Variants in OTUD7A observed in about 807,000 individuals in gnomAD.
The protein encoded by OTUD7A is OTU domain-containing protein 7A.
A neutral mutation model predicts 65.7 loss-of-function variants in OTUD7A; 12 were observed. The ratio of observed to expected loss-of-function variants is 0.18; its 90% confidence interval spans 0.12 to 0.30. The LOEUF (loss-of-function observed/expected upper bound fraction) is 0.30, where lower values mean the gene tolerates loss of function less well. OTUD7A is among the 10% of genes least tolerant of loss of function. The pLI is 1.00. For missense variants in OTUD7A, 1,148 were observed against 1,304.8 expected (o/e 0.88, Z 1.85); for synonymous variants, 641 against 586.3 (o/e 1.09, Z -1.35).
chr15:31,514,787 T>G (rs2041817524), intron 8 of OTUD7A, among the ~76,000 whole-genome samples: 1 of 152,236 alleles, frequency 6.6e-6, no homozygotes, highest in East Asian at 1.9e-4. Flanking sequence ...CCTAATGGCT[T>G]TAGAACTTAC....
chr15:31,728,526 A>G (rs1893956065), intron 1 of OTUD7A, among the ~76,000 whole-genome samples: 1 of 152,068 alleles, frequency 6.6e-6, no homozygotes, highest in African/African-American at 2.4e-5. Context: ...CCCCTGCCTA[A>G]CTCTCCACCT....
intron 5 of OTUD7A, among the ~76,000 whole-genome samples, chr15:31,541,811 T>C (rs1174208636): frequency 6.6e-6 from 1 of 152,144 alleles, no homozygotes; most frequent in Admixed American, 6.5e-5. Context: ...TTTCCTTCCA[T>C]ATAGAGTTAG....
intron 1 of OTUD7A, among the ~76,000 whole-genome samples, chr15:31,752,893 G>C (rs1226313444): frequency 6.6e-6 from 1 of 152,034 alleles, no homozygotes; most frequent in Non-Finnish European, 1.5e-5. Context: ...TGGAAAAGGG[G>C]GCCAGTTCAG....
At chr15:31,687,535 T>C (rs1239978627) in intron 1 of OTUD7A, among the ~76,000 whole-genome samples, 1 of 152,210 alleles carries the variant, frequency 6.6e-6, no homozygotes. Context: ...CCTGCGATGG[T>C]CACTCCCAGT....
intron 1 of OTUD7A, among the ~76,000 whole-genome samples, chr15:31,658,132 G>A (rs151215999): frequency 6.6e-6 from 1 of 152,230 alleles, no homozygotes; most frequent in African/African-American, 2.4e-5. Flanking sequence ...GCCTCTCTGT[G>A]CCTCAGTTTC....
rs189639386 is a variant in OTUD7A at position 31,610,837 on chromosome 15, G to C, written c.152-40640C>G. 3.0e-3 allele frequency among the ~76,000 whole-genome samples: 448 copies of C among 150,944 alleles called. 3 individuals are homozygous for C. The highest frequency in any genetic ancestry group is 0.011 in the African/African-American group (434 of 41,128). ...GTAGAGGCGGGGTTTCACCGTGTTA[G>C]CCAGGATGGTCTCGATCTCCTGACC... On this transcript the variant is annotated intron_variant, in intron 3 of 12. Coordinates refer to ENST00000307050, the MANE Select transcript of OTUD7A (RefSeq NM_001382637.1).
At chr15:31,554,461 C>A (rs1888426749) in intron 5 of OTUD7A, among the ~76,000 whole-genome samples, 1 of 152,216 alleles carries the variant, frequency 6.6e-6, no homozygotes, top group African/African-American at 2.4e-5. Flanking sequence ...GCTCCCCCTG[C>A]CAATCCGGGC....
intron 1 of OTUD7A, among the ~76,000 whole-genome samples, chr15:31,772,777 C>T (rs189857270): frequency 6.6e-6 from 1 of 152,264 alleles, no homozygotes; most frequent in Non-Finnish European, 1.5e-5. Flanking sequence ...GTTCAAATAG[C>T]ACCTACAATA....
chr15:31,486,940 A>G (rs992071778), intron 12 of OTUD7A, among the ~76,000 whole-genome samples: 2 of 152,160 alleles, frequency 1.3e-5, no homozygotes, highest in African/African-American at 4.8e-5. Flanking sequence ...ACATGCCTAC[A>G]TGTGTGTACA....
At chr15:31,740,962 A>T (rs1171898727) in intron 1 of OTUD7A, among the ~76,000 whole-genome samples, 4 of 152,252 alleles carry the variant, frequency 2.6e-5, no homozygotes, top group Admixed American at 2.6e-4. Flanking sequence ...CTTCAGAATG[A>T]CAAAAGTAGG....
At chr15:31,722,332 T>C (rs941774733) in intron 1 of OTUD7A, among the ~76,000 whole-genome samples, 5 of 152,222 alleles carry the variant, frequency 3.3e-5, no homozygotes, top group African/African-American at 1.2e-4. Flanking sequence ...TGTCCAGGTC[T>C]ACACAGGTAT....
intron 1 of OTUD7A, among the ~76,000 whole-genome samples, chr15:31,851,136 G>A (rs1897414370): frequency 6.6e-6 from 1 of 152,218 alleles, no homozygotes; most frequent in African/African-American, 2.4e-5. Context: ...GAGAATGTGT[G>A]TAAATGAGTA....
At chr15:31,672,845 T>C (rs912862166) in intron 1 of OTUD7A, among the ~76,000 whole-genome samples, 3 of 152,198 alleles carry the variant, frequency 2.0e-5, no homozygotes, top group Non-Finnish European at 1.5e-5. Context: ...AAAAGTCTCT[T>C]TTAAAATTTA....
intron 1 of OTUD7A, among the ~76,000 whole-genome samples, chr15:31,699,547 AG>A (rs1355054864): frequency 6.6e-6 from 1 of 152,146 alleles, no homozygotes; most frequent in Non-Finnish European, 1.5e-5. Context: ...TGTGACCAGA[AG>A]GCTGCAAAAA....
chr15:31,530,669 G>A (rs1206220864), intron 6 of OTUD7A, 38 bp downstream of exon 6: 1 of 1,582,350 alleles, frequency 6.3e-7, no homozygotes. Flanking sequence ...ACGCAGGCCT[G>A]GAGCCTGGCC....
intron 1 of OTUD7A, among the ~76,000 whole-genome samples, chr15:31,828,387 T>A (rs1323481577): frequency 6.6e-6 from 1 of 152,208 alleles, no homozygotes. Context: ...TTTCAATAGA[T>A]GTTTACATCG....
chr15:31,858,130 T>C (rs1897625090), intron 1 of OTUD7A, among the ~76,000 whole-genome samples: 1 of 152,160 alleles, frequency 6.6e-6, no homozygotes, highest in South Asian at 2.1e-4. Context: ...AGGAGTATTG[T>C]TCAGGGGCAG....
At position 31,563,500 on chromosome 15, in the gene OTUD7A, G is replaced by C. The variant is rs143928451; in HGVS notation, c.332-4313C>G. ...AGGGGCAGGAGGTGGGAATGGGTGA[G>C]GCCGACAGAGAGGGCCTGGGGTAGG... On this transcript the variant is annotated intron_variant, in intron 4 of 12. Transcript: ENST00000307050. Among the ~76,000 whole-genome samples, 444 of 152,348 alleles carry C rather than the reference G, an allele frequency of 2.9e-3. 4 individuals carry two copies. The highest frequency in any genetic ancestry group is 0.01 in the African/African-American group (422 of 41,566).
At chr15:31,501,489 T>C (rs532000341) in intron 10 of OTUD7A, among the ~76,000 whole-genome samples, 108 of 152,314 alleles carry the variant, frequency 7.1e-4, no homozygotes, top group African/African-American at 2.4e-3. Context: ...GAGAATGTTG[T>C]CTTTAACATT....
Sources: gnomAD v4.1 joint callset for allele counts (sites outside exome capture counted in the v4.1 genomes callset) on GRCh38, gnomAD v4.1.1 for gene constraint, MANE v1.5 for transcripts, NCBI Gene and HGNC (gene_info 2026-07-23, HGNC 2026-07-21) for gene names.